Variants in RNLS observed in about 807,000 individuals in gnomAD.
RNLS encodes renalase, FAD dependent amine oxidase.
Under a neutral mutation model 39.8 loss-of-function variants are expected in RNLS, and 39 were observed. That is an observed-to-expected ratio of 0.98 (90% CI 0.76 to 1.28). The LOEUF is 1.28. RNLS is among the 50% of genes most tolerant of loss of function. The pLI is 0.00. For missense variants in RNLS, 410 were observed against 413.3 expected, an observed-to-expected ratio of 0.99 and a Z score of 0.07; for synonymous variants, 147 against 150.7, an observed-to-expected ratio of 0.98 and a Z score of 0.18.
At chr10:88,414,994 C>A (rs1853925600) in intron 4 of RNLS, among the ~76,000 whole-genome samples, 1 of 152,068 alleles carries the variant, frequency 6.6e-6, no homozygotes, top group Admixed American at 6.6e-5. Context: ...TTTGATGCTG[C>A]CTTCAACCAA....
the RNLS span, among the ~76,000 whole-genome samples, chr10:88,207,607 T>G: frequency 2.0e-5 from 3 of 152,156 alleles, no homozygotes; most frequent in African/African-American, 7.2e-5. Flanking sequence ...GAAGAAAAGT[T>G]GATAAAGCTT....
chr10:88,190,548 C>A, the RNLS span, among the ~76,000 whole-genome samples: 2 of 152,126 alleles, frequency 1.3e-5, no homozygotes, highest in Admixed American at 6.5e-5. Flanking sequence ...TTGCATGAAC[C>A]CACATGTAAT....
At chr10:88,285,778 C>A (rs1409854835) in intron 6 of RNLS, among the ~76,000 whole-genome samples, 2 of 151,966 alleles carry the variant, frequency 1.3e-5, no homozygotes, top group Non-Finnish European at 2.9e-5. Context: ...GGCTGAACTT[C>A]AAAATTAGTA....
At chr10:88,309,339 C>T in intron 6 of RNLS, 1 of 1,080,680 alleles carries the variant, frequency 9.3e-7, no homozygotes, top group Non-Finnish European at 1.2e-6. Flanking sequence ...ATTAAAATAT[C>T]AATCACCACC....
the RNLS span, among the ~76,000 whole-genome samples, chr10:88,231,460 G>C: frequency 1.3e-5 from 2 of 151,946 alleles, no homozygotes; most frequent in Non-Finnish European, 2.9e-5. Flanking sequence ...TGTGTGTGTG[G>C]TATTTGGTTA....
At chr10:88,510,767 A>T (rs1422826140) in intron 4 of RNLS, among the ~76,000 whole-genome samples, 3 of 151,686 alleles carry the variant, frequency 2.0e-5, no homozygotes, top group Admixed American at 1.3e-4. Context: ...GAATCGCTTG[A>T]ACCCAGAAGG....
At chr10:88,396,998 G>A (rs1165467293) in intron 4 of RNLS, among the ~76,000 whole-genome samples, 1 of 151,900 alleles carries the variant, frequency 6.6e-6, no homozygotes, top group East Asian at 1.9e-4. Flanking sequence ...ACTTACAGAA[G>A]TGAATGGAAA....
chr10:88,234,271 A>G, the RNLS span, among the ~76,000 whole-genome samples: 261 of 152,060 alleles, frequency 1.7e-3, no homozygotes, highest in Middle Eastern at 0.02. Flanking sequence ...CCTCTCATTT[A>G]TAAGTCTGGA....
intron 4 of RNLS, among the ~76,000 whole-genome samples, chr10:88,512,199 G>A (rs1235233961): frequency 6.6e-6 from 1 of 152,116 alleles, no homozygotes; most frequent in African/African-American, 2.4e-5. Context: ...CCAGCTATTT[G>A]TATTACTTTC....
chr10:88,457,802 C>T (rs904671560), intron 4 of RNLS, among the ~76,000 whole-genome samples: 2 of 152,160 alleles, frequency 1.3e-5, no homozygotes, highest in African/African-American at 4.8e-5. Flanking sequence ...TCAACAAAGC[C>T]TCCTGAACTC....
chr10:88,304,970 A>G (rs945281737), intron 6 of RNLS, among the ~76,000 whole-genome samples: 46 of 152,184 alleles, frequency 3.0e-4, no homozygotes, highest in African/African-American at 1.1e-3. Context: ...ACAAAGGGAA[A>G]TCTATCAGAC....
intron 4 of RNLS, among the ~76,000 whole-genome samples, chr10:88,454,003 A>C (rs1842485560): frequency 6.6e-6 from 1 of 152,194 alleles, no homozygotes; most frequent in Non-Finnish European, 1.5e-5. Flanking sequence ...AATTTCACAG[A>C]GTTATTGGAA....
intron 5 of RNLS, among the ~76,000 whole-genome samples, chr10:88,351,102 T>C (rs571053326): frequency 6.6e-6 from 1 of 152,340 alleles, no homozygotes; most frequent in South Asian, 2.1e-4. Flanking sequence ...TAAATTTGTT[T>C]GAGTTCTTTC....
intron 4 of RNLS, among the ~76,000 whole-genome samples, chr10:88,483,681 T>G (rs1844335389): frequency 1.3e-5 from 2 of 152,138 alleles, no homozygotes; most frequent in South Asian, 4.1e-4. Context: ...CATTTTTTCT[T>G]GACAATTTCT....
At chr10:88,525,230 G>A (rs563636721) in intron 4 of RNLS, among the ~76,000 whole-genome samples, 32 of 151,234 alleles carry the variant, frequency 2.1e-4, no homozygotes, top group Middle Eastern at 3.4e-3. Flanking sequence ...TCACTAATAT[G>A]AAATATATTC....
At chr10:88,325,680 T>C (rs1368001615) in intron 5 of RNLS, among the ~76,000 whole-genome samples, 2 of 152,224 alleles carry the variant, frequency 1.3e-5, no homozygotes, top group East Asian at 3.8e-4. Flanking sequence ...TCCAACTACA[T>C]GCTGCTTATC....
chr10:88,526,001 G>A (rs1847079482), intron 4 of RNLS, among the ~76,000 whole-genome samples: 1 of 151,996 alleles, frequency 6.6e-6, no homozygotes. Context: ...GTGGGATGAG[G>A]TGAAGTCCAA....
At chr10:88,579,573 C>T (rs748950008) in intron 3 of RNLS, among the ~76,000 whole-genome samples, 1 of 152,154 alleles carries the variant, frequency 6.6e-6, no homozygotes, top group Non-Finnish European at 1.5e-5. Flanking sequence ...AGCTCCTGCA[C>T]ATGCATGCAT....
chr10:88,327,392 G>C (rs1341353880), intron 5 of RNLS, among the ~76,000 whole-genome samples: 1 of 152,164 alleles, frequency 6.6e-6, no homozygotes, highest in Non-Finnish European at 1.5e-5. Context: ...TTGTGAAAGT[G>C]AGTGAGTTCT....
Sources: allele counts gnomAD v4.1 joint callset (sites outside exome capture counted in the v4.1 genomes callset), GRCh38; gene constraint gnomAD v4.1.1; transcripts MANE v1.5; gene names NCBI Gene and HGNC (gene_info 2026-07-23, HGNC 2026-07-21).